Variants in KDM5A observed in about 807,000 individuals in gnomAD.
KDM5A encodes the protein lysine-specific demethylase 5A.
In KDM5A, 42 loss-of-function variants were observed where a neutral mutation model predicts 193.5. The ratio of observed to expected loss-of-function variants is 0.22; its 90% CI spans 0.17 to 0.28. The LOEUF is 0.28. Among genes scored for constraint, KDM5A ranks in the 10% least tolerant of loss-of-function variants. The pLI is 1.00. For missense variants in KDM5A, 1,692 were observed against 2,055.1 expected (o/e 0.82, Z 3.42); for synonymous variants, 796 against 718.1 (o/e 1.11, Z -1.73).
chr12:387,781 T>C (rs542481573), intron 1 of KDM5A, among the ~76,000 whole-genome samples: 2 of 152,286 alleles, frequency 1.3e-5, no homozygotes, highest in Non-Finnish European at 2.9e-5. Flanking sequence ...AAACAATCTA[T>C]AGGTGTTAAA....
intron 26 of KDM5A, among the ~76,000 whole-genome samples, chr12:295,297 A>G (rs1943355383): frequency 6.6e-6 from 1 of 151,990 alleles, no homozygotes; most frequent in Non-Finnish European, 1.5e-5. Flanking sequence ...AGAAAAAAGA[A>G]AAAGAAAGGA....
intron 10 of KDM5A, among the ~76,000 whole-genome samples, chr12:348,475 G>A (rs1474548809): frequency 2.0e-5 from 3 of 152,086 alleles, no homozygotes; most frequent in East Asian, 1.9e-4. Flanking sequence ...TGTTTATTGC[G>A]GCAGTATTCA....
rs768065397 is a variant in KDM5A, at chr12:307,688, G to C, written c.3696C>G (p.Ser1232=). Residue 1232 remains serine, a synonymous_variant, in exon 23 of 28, where the codon TCC becomes TCG. Transcript: ENST00000399788. The surrounding 1 kb of genome is among the most constrained non-coding windows in gnomAD (Gnocchi z 4.3). ...RLETILSLLV[S]LQKLPVRLPE... ...GCAACCGTACGGGCAACTTCTGAAGGGATACCAGGAGTGACAGAATAGTCT... is the reference window on the plus strand; with the variant it reads ...GCAACCGTACGGGCAACTTCTGAAGCGATACCAGGAGTGACAGAATAGTCT... 3.0e-5 allele frequency: 48 copies of C among 1,614,062 alleles called. No individual in the cohort carries two copies. The highest frequency in any genetic ancestry group is 4.1e-5 in the Non-Finnish European group (48 of 1,180,040).
chr12:386,637 A>G (rs886630737), intron 1 of KDM5A, among the ~76,000 whole-genome samples: 1 of 152,210 alleles, frequency 6.6e-6, no homozygotes, highest in Non-Finnish European at 1.5e-5. Context: ...GCTTGAGCCC[A>G]GGAGCTTAAG....
chr12:323,229 A>AAAAAAAAG, intron 15 of KDM5A, 23 bp from the exon 16 acceptor site: 2 of 1,495,426 alleles, frequency 1.3e-6, no homozygotes, highest in East Asian at 2.5e-5. Context: ...AAAAAAAAAA[A>AAAAAAAAG]AAAAAAAAAA....
intron 8 of KDM5A, 76 bp downstream of exon 8, chr12:354,000 T>C: frequency 1.9e-6 from 2 of 1,061,128 alleles, no homozygotes; most frequent in Admixed American, 3.5e-5. Context: ...TATTTGGGAA[T>C]ATGTTTATAT....
chr12:317,526 A>T (rs1943663866), intron 19 of KDM5A, among the ~76,000 whole-genome samples: 1 of 152,276 alleles, frequency 6.6e-6, no homozygotes, highest in Admixed American at 6.5e-5. Context: ...ACTACTGTGT[A>T]TAACATGAAG....
At chr12:285,705 T>C in intron 27 of KDM5A, 43 bp from the exon 28 acceptor site, 1 of 1,564,182 alleles carries the variant, frequency 6.4e-7, no homozygotes, top group Non-Finnish European at 8.8e-7. Flanking sequence ...TACATAAACA[T>C]TAAGCCTAGA....
chr12:362,288 G>GAA (rs987562951), intron 5 of KDM5A, among the ~76,000 whole-genome samples: 1 of 151,380 alleles, frequency 6.6e-6, no homozygotes, highest in Non-Finnish European at 1.5e-5. Flanking sequence ...AAAGCTTGGG[G>GAA]AAAAAAAAGA....
Position 331,847 on chromosome 12 carries a change from T to A in KDM5A, c.1745A>T (p.Glu582Val). ...GTCAGCAGTACAGAAGTTCACAGCT[T>A]CAGCAAAGTTGTAGCCCTGGTTAAA... The part of the protein sequence containing the change: ...SGFNQGYNFA[E>V]AVNFCTADWL... The change falls in exon 13 of 28, where the codon GAA becomes GTA. Residue 582 changes from glutamate to valine, a missense_variant. Transcript: ENST00000399788. 1.9e-6 allele frequency: 3 copies of A among 1,614,052 alleles called. No homozygotes were observed. The highest frequency in any genetic ancestry group is 2.5e-6 in the Non-Finnish European group (3 of 1,179,954).
At chr12:358,382 AC>A (rs1944252010) in intron 5 of KDM5A, among the ~76,000 whole-genome samples, 1 of 152,178 alleles carries the variant, frequency 6.6e-6, no homozygotes, top group African/African-American at 2.4e-5. Flanking sequence ...TTATCTTTAA[AC>A]TTTTGTAGAC....
At chr12:356,220 T>G (rs989767879) in intron 6 of KDM5A, among the ~76,000 whole-genome samples, 3 of 152,170 alleles carry the variant, frequency 2.0e-5, no homozygotes, top group Non-Finnish European at 4.4e-5. Context: ...AAATCCTCTC[T>G]TCCAAAATCA....
In KDM5A at chr12:310,953, C is replaced by A; in HGVS notation, c.3148G>T (p.Ala1050Ser). ...LPQVESQVAA[A>S]RAWRERTGRT... ...CCAGTCCGTTCTCTCCATGCCCGTG[C>A]TGCTGCTACCTGTGATTCCACTTGC... is the stretch of plus-strand genomic sequence containing the variant. The change falls in exon 21 of 28, where the codon GCA (alanine) becomes TCA (serine). Residue 1050 changes from alanine (A) to serine (S), a missense_variant. By Grantham distance (99) the Ala-to-Ser change is moderately conservative (BLOSUM62 1). Coordinates refer to ENST00000399788, the MANE Select transcript of KDM5A (RefSeq NM_001042603.3). The A allele has an allele frequency of 6.2e-7, 1 of 1,614,234 alleles. No homozygotes were observed. Among genetic ancestry groups the A allele is most frequent in the Non-Finnish European group, 8.5e-7 (1 of 1,180,026 alleles).
chr12:356,671 C>A, intron 5 of KDM5A, 134 bp from the exon 6 acceptor site: 1 of 678,902 alleles, frequency 1.5e-6, no homozygotes, highest in Non-Finnish European at 2.6e-6. Context: ...TAAATCCACT[C>A]ACTGCCTCAT....
rs1943730651 is a variant in KDM5A at position 322,500 on chromosome 12, A to G, written c.2343T>C (p.Phe781=). The G allele has an allele frequency of 6.2e-7, 1 of 1,613,530 alleles. No homozygotes were observed. Among genetic ancestry groups the G allele is most frequent in the Non-Finnish European group, 8.5e-7 (1 of 1,179,652 alleles). ...CTTTTACAGCATCCCTGAGTTTTCGAAAGAGATCATTCTCTGGGTATTTCC... is the reference window on the plus strand; with the variant it reads ...CTTTTACAGCATCCCTGAGTTTTCGGAAGAGATCATTCTCTGGGTATTTCC... ...EDRKYPENDL[F]RKLRDAVKEA... is the part of the protein sequence containing the mutation. The change falls in exon 17 of 28, where the codon TTT becomes TTC. Residue 781 remains phenylalanine, a synonymous_variant. Transcript: ENST00000399788.
intron 3 of KDM5A, among the ~76,000 whole-genome samples, chr12:381,116 T>C (rs556177251): frequency 7.2e-5 from 11 of 152,264 alleles, no homozygotes; most frequent in Admixed American, 7.2e-4. Context: ...TGCCTCGGCC[T>C]CCCAAGTAGC....
rs1169459998 is a variant in KDM5A at position 280,204 on chromosome 12, T to A, written c.*5252A>T. The A allele has an allele frequency of 8.6e-6, 2 of 232,710 alleles. No homozygotes were observed. The highest frequency in any genetic ancestry group is 4.4e-5 in the African/African-American group (2 of 45,318). 14.4% of individuals were successfully genotyped at this position (232,710 alleles called of 1,614,324 possible). On this transcript the variant is annotated 3_prime_UTR_variant, in exon 28 of 28. Transcript: ENST00000399788. Reference sequence around the variant, plus strand: ...ATTTGATTCCATTCTTTTGTACTGTTCCCTACTTTTACAATGTGTACAATG... The same window carrying A: ...ATTTGATTCCATTCTTTTGTACTGTACCCTACTTTTACAATGTGTACAATG...
intron 2 of KDM5A, among the ~76,000 whole-genome samples, chr12:385,409 A>G (rs1375931630): frequency 6.6e-6 from 1 of 152,006 alleles, no homozygotes; most frequent in Non-Finnish European, 1.5e-5. Flanking sequence ...TAATACTTAA[A>G]GTAATTAAAA....
intron 5 of KDM5A, among the ~76,000 whole-genome samples, chr12:359,413 T>C (rs1185553831): frequency 2.0e-5 from 3 of 152,118 alleles, no homozygotes; most frequent in Non-Finnish European, 2.9e-5. Flanking sequence ...ACATGGCATA[T>C]AGGGAAATAA....
Sources: gnomAD v4.1 joint callset for allele counts (sites outside exome capture counted in the v4.1 genomes callset) on GRCh38, gnomAD v4.1.1 for gene constraint, Gnocchi (gnomAD v3.1) non-coding constraint, MANE v1.5 for transcripts, NCBI Gene and HGNC (gene_info 2026-07-23, HGNC 2026-07-21) for gene names.